CCSER1: variants seen among roughly 807,000 people sequenced by gnomAD.
CCSER1 encodes serine-rich coiled-coil domain-containing protein 1.
A neutral mutation model predicts 82.0 loss-of-function variants in CCSER1; 41 were observed. The ratio of observed to expected loss-of-function variants is 0.50; its 90% CI spans 0.39 to 0.65. CCSER1 has a LOEUF of 0.65. Ranked by LOEUF, CCSER1 falls within the 30% of genes least tolerant of loss-of-function variation. The pLI is 0.00. For missense variants in CCSER1, 1,119 were observed against 1,064.2 expected (o/e 1.05, Z -0.72); for synonymous variants, 414 against 383.9 (o/e 1.08, Z -0.92).
intron 7 of CCSER1, among the ~76,000 whole-genome samples, chr4:90,787,146 C>T (rs970298735): frequency 6.6e-6 from 1 of 152,182 alleles, no homozygotes; most frequent in Admixed American, 6.6e-5. Flanking sequence ...GCTCTTAGAA[C>T]TTAGTTCTCT....
chr4:90,564,235 C>G (rs1233079243), intron 5 of CCSER1, among the ~76,000 whole-genome samples: 1 of 142,244 alleles, frequency 7.0e-6, no homozygotes, highest in African/African-American at 3.1e-5. Context: ...ATTGTGATTT[C>G]ATAGAGATGG....
chr4:90,414,010 A>C lies in CCSER1; in HGVS notation c.1603+13881A>C, dbSNP rs867476216. On this transcript the variant is annotated intron_variant, in intron 4 of 10. Transcript: ENST00000509176. ...TATATATATATATATATATATATAT[A>C]TCTTCTTCCTAAAAGGAGCAGTAGT... Among the ~76,000 whole-genome samples the C allele has an allele frequency of 5.6e-3, 651 of 115,294 alleles. 5 individuals carry two copies. The highest frequency in any genetic ancestry group is 7.8e-3 in the Non-Finnish European group (441 of 56,730). 75.6% of individuals were successfully genotyped at this position (115,294 alleles called of 152,430 possible).
chr4:90,660,247 C>T (rs956864173), intron 6 of CCSER1, among the ~76,000 whole-genome samples: 8 of 151,862 alleles, frequency 5.3e-5, no homozygotes, highest in Non-Finnish European at 1.2e-4. Flanking sequence ...TATCACAGCA[C>T]TATTCACTAT....
rs556582406 is a variant in CCSER1, at chr4:90,779,277, G to A, written c.2011-36485G>A. 3.3e-5 allele frequency among the ~76,000 whole-genome samples: 5 copies of A among 151,866 alleles called. No homozygotes were observed. In the South Asian group the frequency reaches 8.3e-4, roughly 25 times the overall value. On this transcript the variant is annotated intron_variant, in intron 7 of 10. Transcript: ENST00000509176. Reference sequence around the variant, plus strand: ...TGTGTTCTCTTTTACATATTCAGGTGTTTTCTTCCTCTTTTTCTGTGGTAA... The same window carrying A: ...TGTGTTCTCTTTTACATATTCAGGTATTTTCTTCCTCTTTTTCTGTGGTAA...
At chr4:90,263,434 T>G (rs1484352626) in intron 1 of CCSER1, among the ~76,000 whole-genome samples, 1 of 152,138 alleles carries the variant, frequency 6.6e-6, no homozygotes, top group Non-Finnish European at 1.5e-5. Context: ...CCCTGTGAGA[T>G]TCCTTGGTTG....
At chr4:91,039,683 T>C (rs1741782640) in intron 9 of CCSER1, among the ~76,000 whole-genome samples, 1 of 146,484 alleles carries the variant, frequency 6.8e-6, no homozygotes. Context: ...AGTATATGTA[T>C]GTATAGATCT....
chr4:91,166,628 T>G (rs1732107897), intron 10 of CCSER1, among the ~76,000 whole-genome samples: 1 of 152,198 alleles, frequency 6.6e-6, no homozygotes, highest in Admixed American at 6.5e-5. Flanking sequence ...GAATAATATG[T>G]TTAGATATTT....
At chr4:91,053,259 A>G (rs1338044660) in intron 9 of CCSER1, among the ~76,000 whole-genome samples, 1 of 152,226 alleles carries the variant, frequency 6.6e-6, no homozygotes, top group African/African-American at 2.4e-5. Context: ...TATGAGCAAC[A>G]ACAGGACAAC....
intron 1 of CCSER1, among the ~76,000 whole-genome samples, chr4:90,176,597 CT>C (rs927587756): frequency 2.6e-5 from 4 of 151,502 alleles, no homozygotes; most frequent in South Asian, 2.1e-4. Context: ...GATACTGATA[CT>C]TTTTTTTTCC....
At chr4:91,515,521 C>A (rs539830332) in intron 10 of CCSER1, among the ~76,000 whole-genome samples, 16 of 152,260 alleles carry the variant, frequency 1.1e-4, no homozygotes, top group African/African-American at 3.4e-4. Context: ...CATGTTGCTG[C>A]AAAGTACATA....
At chr4:91,101,619 G>C (rs1725062956) in intron 10 of CCSER1, among the ~76,000 whole-genome samples, 1 of 118,236 alleles carries the variant, frequency 8.5e-6, no homozygotes, top group Non-Finnish European at 1.7e-5. Context: ...TGGGGACAGA[G>C]CAAGACTCCG....
chr4:90,944,231 CAA>C (rs36064861), intron 9 of CCSER1, among the ~76,000 whole-genome samples: 9 of 106,924 alleles, frequency 8.4e-5, no homozygotes, highest in African/African-American at 7.3e-5. Flanking sequence ...GACTCCGCCT[CAA>C]AAAAAAAAAA....
At chr4:90,936,946 G>A (rs1361202155) in intron 9 of CCSER1, among the ~76,000 whole-genome samples, 1 of 151,728 alleles carries the variant, frequency 6.6e-6, no homozygotes, top group Admixed American at 6.6e-5. Flanking sequence ...CATTTATAAA[G>A]TTATGTAAAA....
intron 10 of CCSER1, among the ~76,000 whole-genome samples, chr4:91,211,342 A>G (rs1736807862): frequency 6.6e-6 from 1 of 152,030 alleles, no homozygotes; most frequent in Admixed American, 6.6e-5. Flanking sequence ...TGTAGGAAAG[A>G]CAGTGTTTGG....
intron 1 of CCSER1, among the ~76,000 whole-genome samples, chr4:90,281,786 C>T (rs1431149742): frequency 6.6e-6 from 1 of 152,070 alleles, no homozygotes; most frequent in Non-Finnish European, 1.5e-5. Context: ...TACTCATTTA[C>T]ATTTGCAATT....
chr4:90,905,365 C>T (rs919193850), intron 8 of CCSER1, among the ~76,000 whole-genome samples: 1,810 of 151,752 alleles, frequency 0.012, 32 homozygotes, highest in African/African-American at 0.04. Context: ...ACACCACACA[C>T]ACACACACAC....
chr4:90,777,200 T>A (rs530555667), intron 7 of CCSER1, among the ~76,000 whole-genome samples: 1 of 151,630 alleles, frequency 6.6e-6, no homozygotes, highest in East Asian at 2.0e-4. Context: ...CTACTAAAAA[T>A]ACAAAAATCA....
intron 4 of CCSER1, among the ~76,000 whole-genome samples, chr4:90,432,605 TTCTC>T (rs755136901): frequency 1.4e-4 from 22 of 151,954 alleles, no homozygotes; most frequent in East Asian, 1.2e-3. Flanking sequence ...CTTTCTTTCT[TTCTC>T]TCTTTCTTTA....
chr4:90,494,316 G>A (rs1768619683), intron 5 of CCSER1, among the ~76,000 whole-genome samples: 1 of 152,050 alleles, frequency 6.6e-6, no homozygotes, highest in Admixed American at 6.6e-5. Flanking sequence ...AATAATAATG[G>A]GAGACTTTAA....
Sources: allele counts gnomAD v4.1 joint callset (sites outside exome capture counted in the v4.1 genomes callset), GRCh38; gene constraint gnomAD v4.1.1; transcripts MANE v1.5; gene names NCBI Gene and HGNC (gene_info 2026-07-23, HGNC 2026-07-21).